RALGAPA2: variants seen among roughly 807,000 people sequenced by gnomAD.
RALGAPA2 encodes Ral GTPase activating protein catalytic subunit alpha 2, also known as ral GTPase-activating protein subunit alpha-2.
Under a neutral mutation model 230.4 loss-of-function variants are expected in RALGAPA2, and 139 were observed. That is an observed-to-expected ratio of 0.60 (90% CI 0.53 to 0.69). The LOEUF (loss-of-function observed/expected upper bound fraction) is 0.69, where lower values mean the gene tolerates loss of function less well. Ranked by LOEUF, RALGAPA2 falls within the 30% of genes least tolerant of loss-of-function variation. RALGAPA2 has a pLI of 0.00. For missense variants in RALGAPA2, 2,163 were observed against 2,276.0 expected (o/e 0.95, Z 1.01); for synonymous variants, 847 against 837.8 (o/e 1.01, Z -0.19).
chr20:20,648,478 G>T (rs1156237436), intron 4 of RALGAPA2, among the ~76,000 whole-genome samples: 1 of 151,998 alleles, frequency 6.6e-6, no homozygotes, highest in Non-Finnish European at 1.5e-5. Flanking sequence ...TTATCAAAAT[G>T]TGCATTTTAA....
chr20:20,505,589 C>T, intron 33 of RALGAPA2, 55 bp from the exon 34 acceptor site: 1 of 1,416,588 alleles, frequency 7.1e-7, no homozygotes, highest in Non-Finnish European at 9.5e-7. Context: ...AATTTTACTT[C>T]ACTACTATTA....
chr20:20,607,097 C>G (rs1217178775), intron 14 of RALGAPA2, among the ~76,000 whole-genome samples: 2 of 152,184 alleles, frequency 1.3e-5, no homozygotes, highest in African/African-American at 2.4e-5. Context: ...CAAATAGGCT[C>G]CCACTCTTGT....
chr20:20,658,176 G>A (rs561949384), intron 3 of RALGAPA2, among the ~76,000 whole-genome samples: 11 of 152,326 alleles, frequency 7.2e-5, no homozygotes, highest in African/African-American at 2.6e-4. Flanking sequence ...TGAAATGCAT[G>A]CCCAGTATCT....
intron 34 of RALGAPA2, among the ~76,000 whole-genome samples, chr20:20,504,044 T>C (rs976948739): frequency 4.6e-5 from 7 of 152,348 alleles, no homozygotes; most frequent in African/African-American, 1.4e-4. Context: ...CACTTCTTAG[T>C]GCCTTTATCC....
intron 36 of RALGAPA2, among the ~76,000 whole-genome samples, chr20:20,491,648 A>G (rs557512319): frequency 1.5e-4 from 23 of 152,298 alleles, no homozygotes; most frequent in Non-Finnish European, 2.9e-4. Context: ...AATCACTCAC[A>G]TTCTGCTCTA....
intron 23 of RALGAPA2, among the ~76,000 whole-genome samples, chr20:20,562,617 G>C (rs1391365082): frequency 6.6e-6 from 1 of 152,166 alleles, no homozygotes; most frequent in Admixed American, 6.5e-5. Flanking sequence ...AAACAAAACT[G>C]TAGTTTCTGG....
Position 20,571,451 on chromosome 20 carries a change from A to C in RALGAPA2, c.3156+7T>G. ...TGGGCAATCACAATAAAGGAGTCGC[A>C]GAATACCTGATCCTCGCTGGTTAAT... On this transcript the variant is annotated splice_region_variant and intron_variant, in intron 23 of 39. Coordinates refer to ENST00000202677, the MANE Select transcript of RALGAPA2 (RefSeq NM_020343.4). 8.7e-6 allele frequency: 14 copies of C among 1,608,504 alleles called. No homozygotes were observed. Among genetic ancestry groups the C allele is most frequent in the Non-Finnish European group, 1.2e-5 (14 of 1,177,356 alleles).
At chr20:20,564,896 T>C (rs1343000968) in intron 23 of RALGAPA2, among the ~76,000 whole-genome samples, 1 of 152,228 alleles carries the variant, frequency 6.6e-6, no homozygotes, top group Non-Finnish European at 1.5e-5. Flanking sequence ...CCCACATTAG[T>C]CCTATTTTTA....
At chr20:20,514,527 C>A (rs1481035181) in intron 31 of RALGAPA2, among the ~76,000 whole-genome samples, 1 of 152,084 alleles carries the variant, frequency 6.6e-6, no homozygotes, top group African/African-American at 2.4e-5. Flanking sequence ...CACTTCCTCA[C>A]CCAGATTGGT....
intron 37 of RALGAPA2, among the ~76,000 whole-genome samples, chr20:20,419,885 G>A (rs2060241988): frequency 6.6e-6 from 1 of 152,128 alleles, no homozygotes; most frequent in Non-Finnish European, 1.5e-5. Flanking sequence ...CTAGGTAATG[G>A]GCATGTAATC....
Position 20,653,579 on chromosome 20 carries a change from C to A in RALGAPA2, c.279G>T (p.Leu93=). The A allele has an allele frequency of 6.7e-7, 1 of 1,482,112 alleles. No individual in the cohort carries two copies. The highest frequency in any genetic ancestry group is 9.2e-7 in the Non-Finnish European group (1 of 1,089,320). The allele number at this position is 1,482,112 out of a possible 1,614,324, so 91.8% of individuals were successfully genotyped here. ...AGAAAATTCGTTCAGGTAGAAACTG[C>A]AGTATTTTCTATTAAAAAAAGATAT... is the stretch of plus-strand genomic sequence containing the variant. ...DSILFLFEKI[L]QFLPERIFFR... The change falls in exon 4 of 40, where the codon CTG becomes CTT. Residue 93 remains leucine (L), a synonymous_variant. Coordinates refer to ENST00000202677, the MANE Select transcript of RALGAPA2 (RefSeq NM_020343.4).
intron 3 of RALGAPA2, among the ~76,000 whole-genome samples, chr20:20,659,380 T>A (rs1015310278): frequency 6.6e-6 from 1 of 152,252 alleles, no homozygotes; most frequent in South Asian, 2.1e-4. Flanking sequence ...GAACACTTTC[T>A]CATTAACATT....
chr20:20,695,257 C>T (rs1183887978), intron 1 of RALGAPA2, among the ~76,000 whole-genome samples: 1 of 152,150 alleles, frequency 6.6e-6, no homozygotes, highest in African/African-American at 2.4e-5. Context: ...TACATAATGC[C>T]TTAGAATGAC....
chr20:20,680,867 C>A, intron 1 of RALGAPA2, 66 bp from the exon 2 acceptor site: 1 of 1,504,516 alleles, frequency 6.6e-7, no homozygotes, highest in South Asian at 1.3e-5. Flanking sequence ...TAGAAACAAA[C>A]TTCTCAGAAA....
At chr20:20,666,965 A>G (rs1568727699) in intron 3 of RALGAPA2, among the ~76,000 whole-genome samples, 5 of 152,128 alleles carry the variant, frequency 3.3e-5, no homozygotes, top group Admixed American at 2.0e-4. Context: ...AAGGAAATAA[A>G]TCTCAGAATT....
chr20:20,671,455 C>T (rs995960185), intron 3 of RALGAPA2, among the ~76,000 whole-genome samples: 2 of 152,218 alleles, frequency 1.3e-5, no homozygotes, highest in Non-Finnish European at 2.9e-5. Context: ...GTATTCACTT[C>T]CAAACCCTTA....
intron 20 of RALGAPA2, among the ~76,000 whole-genome samples, chr20:20,575,496 A>T (rs995939559): frequency 6.6e-6 from 1 of 151,738 alleles, no homozygotes; most frequent in African/African-American, 2.4e-5. Flanking sequence ...TCAAGACAGC[A>T]TCTCTGCACT....
chr20:20,570,239 T>C (rs2064583424), intron 23 of RALGAPA2, among the ~76,000 whole-genome samples: 2 of 152,206 alleles, frequency 1.3e-5, no homozygotes, highest in South Asian at 4.1e-4. Context: ...GTATGGTTAT[T>C]ATTTCATATA....
At chr20:20,632,868 A>G (rs1270033026) in intron 9 of RALGAPA2, among the ~76,000 whole-genome samples, 1 of 152,050 alleles carries the variant, frequency 6.6e-6, no homozygotes, top group East Asian at 1.9e-4. Flanking sequence ...TAGCAGAGAT[A>G]TTAACTCTTT....
Sources: gnomAD v4.1 joint callset for allele counts (sites outside exome capture counted in the v4.1 genomes callset) on GRCh38, gnomAD v4.1.1 for gene constraint, MANE v1.5 for transcripts, NCBI Gene and HGNC (gene_info 2026-07-23, HGNC 2026-07-21) for gene names.